SGCZ: variants seen among roughly 807,000 people sequenced by gnomAD.
SGCZ encodes the protein zeta-sarcoglycan.
SGCZ carries 40 observed loss-of-function variants against 41.3 expected under a neutral mutation model. The observed-to-expected ratio is 0.97, with a 90% CI of 0.75 to 1.26. SGCZ has a LOEUF of 1.26. Among genes scored for constraint, SGCZ ranks in the 50% most tolerant of loss-of-function variants. The probability of loss-of-function intolerance (pLI) is 0.00; values close to 1 mark genes in which losing one functional copy is unlikely to be tolerated. For missense variants in SGCZ, 552 were observed against 369.8 expected, an observed-to-expected ratio of 1.49 and a Z score of -4.04; for synonymous variants, 206 against 137.5, an observed-to-expected ratio of 1.50 and a Z score of -3.49.
intron 4 of SGCZ, among the ~76,000 whole-genome samples, chr8:14,204,029 G>T (rs940221096): frequency 6.6e-6 from 1 of 152,010 alleles, no homozygotes. Flanking sequence ...TATGGAGAGG[G>T]GAGACAGCCT....
intron 1 of SGCZ, among the ~76,000 whole-genome samples, chr8:15,062,923 T>C (rs568788520): frequency 6.6e-6 from 1 of 152,094 alleles, no homozygotes; most frequent in Admixed American, 6.5e-5. Flanking sequence ...AGACCTAAGC[T>C]AACAAAGTAC....
At chr8:14,406,316 C>T (rs1198034629) in intron 2 of SGCZ, among the ~76,000 whole-genome samples, 1 of 152,148 alleles carries the variant, frequency 6.6e-6, no homozygotes, top group Non-Finnish European at 1.5e-5. Context: ...ACTCTATTCA[C>T]TTTCTTATCA....
At chr8:14,232,136 C>CAT (rs10695784) in intron 4 of SGCZ, among the ~76,000 whole-genome samples, 148,955 of 150,172 alleles carry the variant, frequency 0.99, 73,882 homozygotes, top group Non-Finnish European at 1. Context: ...CTTCTTTCAT[C>CAT]ATATATATAT....
At chr8:14,122,496 T>C (rs149658029) in intron 5 of SGCZ, among the ~76,000 whole-genome samples, 8 of 152,324 alleles carry the variant, frequency 5.3e-5, no homozygotes, top group African/African-American at 1.9e-4. Flanking sequence ...TGTAGGTTCA[T>C]TGTATTTAAT....
At chr8:14,995,401 A>G (rs948665836) in intron 1 of SGCZ, among the ~76,000 whole-genome samples, 1 of 152,224 alleles carries the variant, frequency 6.6e-6, no homozygotes, top group Non-Finnish European at 1.5e-5. Context: ...GAGACGATTA[A>G]TAGGGATGGG....
intron 1 of SGCZ, among the ~76,000 whole-genome samples, chr8:15,009,741 C>G (rs552712745): frequency 1.3e-5 from 2 of 152,142 alleles, no homozygotes; most frequent in Admixed American, 1.3e-4. Context: ...CTCTTCATAT[C>G]TATATGAGAC....
chr8:14,223,557 G>A (rs976118946), intron 4 of SGCZ, among the ~76,000 whole-genome samples: 6 of 150,360 alleles, frequency 4.0e-5, no homozygotes, highest in African/African-American at 1.5e-4. Context: ...TATTTTAACA[G>A]AATTAGTGAG....
intron 2 of SGCZ, among the ~76,000 whole-genome samples, chr8:14,434,375 T>C (rs753448646): frequency 6.6e-6 from 1 of 152,242 alleles, no homozygotes; most frequent in Non-Finnish European, 1.5e-5. Flanking sequence ...TGTGGCCTTA[T>C]AGTATCATTT....
At chr8:14,337,161 C>T (rs1052951058) in intron 2 of SGCZ, among the ~76,000 whole-genome samples, 1 of 152,122 alleles carries the variant, frequency 6.6e-6, no homozygotes, top group Non-Finnish European at 1.5e-5. Context: ...TGGAACTCCC[C>T]AGCTGATTGA....
At chr8:14,199,292 TC>T (rs1805378599) in intron 4 of SGCZ, among the ~76,000 whole-genome samples, 1 of 152,170 alleles carries the variant, frequency 6.6e-6, no homozygotes, top group Non-Finnish European at 1.5e-5. Context: ...CCCATAGCAC[TC>T]CCAAGCTTAT....
chr8:14,783,616 G>C (rs1385180255), intron 1 of SGCZ, among the ~76,000 whole-genome samples: 2 of 151,968 alleles, frequency 1.3e-5, no homozygotes, highest in East Asian at 1.9e-4. Flanking sequence ...AATTCCTGCT[G>C]GTTTCCTTTG....
At chr8:14,659,177 T>G (rs1807669435) in intron 1 of SGCZ, among the ~76,000 whole-genome samples, 1 of 152,178 alleles carries the variant, frequency 6.6e-6, no homozygotes. Context: ...TGGTATTCTG[T>G]TACACACTAG....
rs146160058 is a variant in SGCZ, at chr8:15,006,545, G to A, written c.39+231040C>T. On this transcript the variant is annotated intron_variant, in intron 1 of 7. Coordinates refer to ENST00000382080, the MANE Select transcript of SGCZ (RefSeq NM_139167.4). ...GATCATTAGCCATTGTTTACCCCAC[G>A]AAGAAAATATAGTTCATAATTAACC... Among the ~76,000 whole-genome samples the A allele has an allele frequency of 4.3e-3, 654 of 152,248 alleles. 2 individuals are homozygous for A. The highest frequency in any genetic ancestry group is 6.8e-3 in the Non-Finnish European group (465 of 68,008).
intron 2 of SGCZ, among the ~76,000 whole-genome samples, chr8:14,402,526 C>T (rs946809611): frequency 6.7e-6 from 1 of 149,074 alleles, no homozygotes; most frequent in African/African-American, 2.6e-5. Flanking sequence ...GTTTTCCCAG[C>T]ACCATTTATT....
intron 4 of SGCZ, among the ~76,000 whole-genome samples, chr8:14,230,944 G>A (rs551361940): frequency 1.3e-4 from 20 of 152,056 alleles, no homozygotes; most frequent in African/African-American, 4.8e-4. Flanking sequence ...TGTACAAATT[G>A]CATACATTAC....
At chr8:14,366,928 C>A (rs929974384) in intron 2 of SGCZ, among the ~76,000 whole-genome samples, 1 of 152,256 alleles carries the variant, frequency 6.6e-6, no homozygotes, top group South Asian at 2.1e-4. Flanking sequence ...TTTTCCCCAA[C>A]GTCTTGGAAG....
At chr8:14,757,396 C>G (rs1231058185) in intron 1 of SGCZ, among the ~76,000 whole-genome samples, 1 of 152,308 alleles carries the variant, frequency 6.6e-6, no homozygotes. Context: ...GACGCTGCCA[C>G]CTTTCTCAGG....
chr8:14,143,778 C>T (rs73522485), intron 5 of SGCZ, among the ~76,000 whole-genome samples: 3,297 of 152,190 alleles, frequency 0.022, 146 homozygotes, highest in African/African-American at 0.076. Flanking sequence ...CCCTCTACAC[C>T]CCACCCTCCC....
intron 1 of SGCZ, among the ~76,000 whole-genome samples, chr8:14,807,602 C>T (rs1174429423): frequency 6.6e-6 from 1 of 151,794 alleles, no homozygotes; most frequent in Non-Finnish European, 1.5e-5. Flanking sequence ...AATGGAAGAA[C>T]ATTCCATGCT....
Sources: gnomAD v4.1 joint callset for allele counts (sites outside exome capture counted in the v4.1 genomes callset) on GRCh38, gnomAD v4.1.1 for gene constraint, MANE v1.5 for transcripts, NCBI Gene and HGNC (gene_info 2026-07-23, HGNC 2026-07-21) for gene names.